The following DLGAP2 variants were observed in gnomAD, a reference collection of about 807,000 sequenced individuals.
DLGAP2 encodes disks large-associated protein 2.
In DLGAP2, 26 loss-of-function variants were observed where a neutral mutation model predicts 100.3. The ratio of observed to expected loss-of-function variants is 0.26; its 90% CI spans 0.19 to 0.36. DLGAP2 has a LOEUF of 0.36. Among genes scored for constraint, DLGAP2 ranks in the 10% least tolerant of loss-of-function variants. The pLI is 1.00. For missense variants in DLGAP2, 1,858 were observed against 1,453.2 expected (o/e 1.28, Z -4.53); for synonymous variants, 886 against 630.1 (o/e 1.41, Z -6.08).
At chr8:1,202,048 A>G (rs563393198) in intron 2 of DLGAP2, among the ~76,000 whole-genome samples, 1 of 144,702 alleles carries the variant, frequency 6.9e-6, no homozygotes, top group East Asian at 2.1e-4. Flanking sequence ...TGCAGTATCT[A>G]TCTGTGTGAT....
intron 2 of DLGAP2, among the ~76,000 whole-genome samples, chr8:1,023,731 C>T (rs1584986027): frequency 6.6e-6 from 1 of 152,124 alleles, no homozygotes; most frequent in African/African-American, 2.4e-5. Flanking sequence ...CCTTAGAGTG[C>T]ACCTGTGAGG....
chr8:1,040,496 G>GGC (rs1802310295), intron 2 of DLGAP2, among the ~76,000 whole-genome samples: 1 of 136,084 alleles, frequency 7.3e-6, no homozygotes, highest in Non-Finnish European at 1.6e-5. Context: ...TTCCGTGGTC[G>GGC]TCTCGGTGTG....
intron 2 of DLGAP2, among the ~76,000 whole-genome samples, chr8:966,645 A>G (rs951250038): frequency 2.4e-5 from 3 of 122,742 alleles, no homozygotes; most frequent in Admixed American, 2.0e-4. Context: ...CCCTCTAACA[A>G]AATGTGATGG....
chr8:983,756 C>G (rs1800408854), intron 2 of DLGAP2, among the ~76,000 whole-genome samples: 1 of 152,144 alleles, frequency 6.6e-6, no homozygotes, highest in Admixed American at 6.5e-5. Flanking sequence ...AATCCTTTCA[C>G]CGCAGCCTCC....
chr8:1,422,497 A>C (rs1177846964), intron 3 of DLGAP2, among the ~76,000 whole-genome samples: 1 of 151,900 alleles, frequency 6.6e-6, no homozygotes, highest in East Asian at 1.9e-4. Flanking sequence ...TAGAGACTTA[A>C]TGTAAATCTG....
intron 10 of DLGAP2, among the ~76,000 whole-genome samples, chr8:1,676,065 T>A (rs1798804381): frequency 6.6e-6 from 1 of 152,220 alleles, no homozygotes; most frequent in African/African-American, 2.4e-5. Flanking sequence ...TTTGCCTCTG[T>A]TTCTGATCAG....
rs1366163018 is a variant in DLGAP2, at chr8:1,013,689, C to T, written c.73+105723C>T. On this transcript the variant is annotated intron_variant, in intron 2 of 14. Transcript: ENST00000637795. ...CTCCACTGTGTGAGACCAGGACAGA[C>T]GATGCCTCCATTGTGTGTATGACCA... Among the ~76,000 whole-genome samples the T allele has an allele frequency of 4.1e-4, 38 of 92,742 alleles. 3 individuals carry two copies. Among genetic ancestry groups the T allele is most frequent in the African/African-American group, 1.8e-3 (27 of 14,844 alleles). The allele number at this position is 92,742 out of a possible 152,430, so 60.8% of individuals were successfully genotyped here. A position where few individuals can be genotyped will look rare whatever the true frequency, so the allele number is the denominator to read the frequency against.
intron 1 of DLGAP2, among the ~76,000 whole-genome samples, chr8:855,480 G>A (rs1372531534): frequency 6.6e-6 from 1 of 152,146 alleles, no homozygotes; most frequent in African/African-American, 2.4e-5. Flanking sequence ...GGCATATTGA[G>A]GGTGCCAAGA....
chr8:1,061,694 C>A (rs1803088309), intron 2 of DLGAP2, among the ~76,000 whole-genome samples: 1 of 150,038 alleles, frequency 6.7e-6, no homozygotes, highest in Non-Finnish European at 1.5e-5. Context: ...GTGAGTGGCA[C>A]GTTGTGCTAC....
chr8:762,887 A>G (rs1416211616), intron 1 of DLGAP2, among the ~76,000 whole-genome samples: 1 of 152,076 alleles, frequency 6.6e-6, no homozygotes, highest in Non-Finnish European at 1.5e-5. Context: ...CATATTGCTC[A>G]GGCTGGTCTC....
chr8:1,448,887 A>G (rs1379641533), intron 3 of DLGAP2, among the ~76,000 whole-genome samples: 3 of 152,200 alleles, frequency 2.0e-5, no homozygotes, highest in African/African-American at 4.8e-5. Context: ...ATAGCATGTC[A>G]CATTTCAGAT....
chr8:1,554,794 C>T lies in DLGAP2; in HGVS notation c.1230+5111C>T, dbSNP rs187973957. The stretch of plus-strand genomic sequence containing the variant: ...AGCCCCCCCTCCCCCGCGCCCACCA[C>T]CCTCACGGTATCCCCACCAGTTCAG... On this transcript the variant is annotated intron_variant, in intron 5 of 14. Coordinates refer to ENST00000637795, the MANE Select transcript of DLGAP2 (RefSeq NM_001346810.2). 4.6e-3 allele frequency among the ~76,000 whole-genome samples: 699 copies of T among 151,788 alleles called. 9 individuals carry two copies. Among genetic ancestry groups the T allele is most frequent in the Non-Finnish European group, 6.5e-3 (443 of 67,936 alleles).
In DLGAP2 at chr8:1,302,519, G is replaced by C. The variant is rs762554491; in HGVS notation, c.106+43636G>C. 1.3e-5 allele frequency: 2 copies of C among 151,264 alleles called. 1 individual carries two copies. Among genetic ancestry groups the C allele is most frequent in the Non-Finnish European group, 2.9e-5 (2 of 68,036 alleles). 9.4% of individuals were successfully genotyped at this position (151,264 alleles called of 1,614,324 possible). ...GACTCGGAAGTTTCTGTGAATTCTC[G>C]AGCTCTGCTCCATACCCGGGACTGG... On this transcript the variant is annotated intron_variant, in intron 3 of 14. Transcript: ENST00000637795.
chr8:834,038 A>T (rs117364722), intron 1 of DLGAP2, among the ~76,000 whole-genome samples: 2 of 152,198 alleles, frequency 1.3e-5, no homozygotes, highest in Non-Finnish European at 2.9e-5. Context: ...GCCCAATTCA[A>T]TCAGTAACCA....
At chr8:1,443,621 G>C (rs1797900797) in intron 3 of DLGAP2, among the ~76,000 whole-genome samples, 1 of 152,184 alleles carries the variant, frequency 6.6e-6, no homozygotes, top group Non-Finnish European at 1.5e-5. Flanking sequence ...TCACGATCAT[G>C]GCAGAAGGTG....
chr8:1,585,959 C>T (rs922888242), intron 6 of DLGAP2, among the ~76,000 whole-genome samples: 1 of 152,300 alleles, frequency 6.6e-6, no homozygotes. Flanking sequence ...CACATATGGG[C>T]GTAGTTTACA....
At chr8:1,162,822 G>C (rs1426090000) in intron 2 of DLGAP2, among the ~76,000 whole-genome samples, 2 of 152,222 alleles carry the variant, frequency 1.3e-5, no homozygotes, top group African/African-American at 4.8e-5. Flanking sequence ...TCTGATCTCG[G>C]GAGGTCCCCT....
chr8:1,067,705 C>A (rs1377471149), intron 2 of DLGAP2, among the ~76,000 whole-genome samples: 1 of 151,608 alleles, frequency 6.6e-6, no homozygotes, highest in African/African-American at 2.4e-5. Context: ...AAAGTGCAGA[C>A]AGTTCCCATA....
chr8:768,955 G>A (rs1023745552), intron 1 of DLGAP2, among the ~76,000 whole-genome samples: 3 of 152,064 alleles, frequency 2.0e-5, no homozygotes, highest in Admixed American at 6.5e-5. Flanking sequence ...TTGGGCGTCC[G>A]CAGCCTGTGT....
Sources: allele counts gnomAD v4.1 joint callset (sites outside exome capture counted in the v4.1 genomes callset), GRCh38; gene constraint gnomAD v4.1.1; transcripts MANE v1.5; gene names NCBI Gene and HGNC (gene_info 2026-07-23, HGNC 2026-07-21).